SPAG16: variants seen among roughly 807,000 people sequenced by gnomAD.
The protein encoded by SPAG16 is sperm associated antigen 16.
Under a neutral mutation model 80.4 loss-of-function variants are expected in SPAG16, and 86 were observed. That is an observed-to-expected ratio of 1.07 (90% CI 0.90 to 1.28). SPAG16 has a LOEUF of 1.28. Among genes scored for constraint, SPAG16 ranks in the 50% most tolerant of loss-of-function variants. The pLI is 0.00. For missense variants in SPAG16, 870 were observed against 765.3 expected (o/e 1.14, Z -1.61); for synonymous variants, 294 against 265.9 (o/e 1.11, Z -1.03).
At chr2:213,640,285 A>T (rs2062535983) in intron 10 of SPAG16, among the ~76,000 whole-genome samples, 1 of 152,166 alleles carries the variant, frequency 6.6e-6, no homozygotes, top group South Asian at 2.1e-4. Context: ...ATTGCTAGTG[A>T]ACTAGTGTGA....
chr2:214,252,378 G>C (rs955121711), intron 15 of SPAG16, among the ~76,000 whole-genome samples: 1 of 151,880 alleles, frequency 6.6e-6, no homozygotes, highest in Non-Finnish European at 1.5e-5. Context: ...CACGTGCCAT[G>C]GTGGTTTGCT....
intron 12 of SPAG16, among the ~76,000 whole-genome samples, chr2:213,964,249 G>A (rs774600031): frequency 6.6e-6 from 1 of 152,030 alleles, no homozygotes; most frequent in Non-Finnish European, 1.5e-5. Flanking sequence ...TGCTTTCTAT[G>A]TCAGGTAAGA....
chr2:213,682,745 G>A (rs780365013), intron 10 of SPAG16, among the ~76,000 whole-genome samples: 1 of 152,102 alleles, frequency 6.6e-6, no homozygotes, highest in African/African-American at 2.4e-5. Context: ...TTATCTCAGA[G>A]CTGGAATGTT....
chr2:214,180,607 G>T (rs575707040), intron 15 of SPAG16, among the ~76,000 whole-genome samples: 11 of 151,442 alleles, frequency 7.3e-5, no homozygotes, highest in African/African-American at 2.2e-4. Flanking sequence ...TAAAAACAAG[G>T]TAGCATTCAG....
intron 15 of SPAG16, among the ~76,000 whole-genome samples, chr2:214,345,768 T>A (rs918348856): frequency 6.6e-6 from 1 of 152,124 alleles, no homozygotes; most frequent in Middle Eastern, 3.2e-3. Context: ...TATTATATTA[T>A]AATAACAGGC....
In SPAG16 at chr2:213,349,102, A is replaced by G. The variant is rs147297507; in HGVS notation, c.645-1426A>G. On this transcript the variant is annotated intron_variant, in intron 6 of 15. Transcript: ENST00000331683. ...CAAATATTTGGAAATTAAGTAGTAT[A>G]CTTTAAATAATCCATGAGGCAAAGA... Among the ~76,000 whole-genome samples the G allele has an allele frequency of 1.6e-3, 242 of 152,350 alleles. 2 individuals carry two copies. The East Asian group carries it at 0.019, about 12-fold the overall frequency.
intron 9 of SPAG16, among the ~76,000 whole-genome samples, chr2:213,467,648 A>T (rs1465891086): frequency 6.6e-6 from 1 of 152,182 alleles, no homozygotes; most frequent in African/African-American, 2.4e-5. Flanking sequence ...TTTCAGAGTC[A>T]CTTGGGGCTC....
chr2:214,099,127 C>T (rs2052811863), intron 13 of SPAG16, among the ~76,000 whole-genome samples: 1 of 152,016 alleles, frequency 6.6e-6, no homozygotes, highest in South Asian at 2.1e-4. Context: ...GGCTGTAGAA[C>T]TGTTGCTAAT....
In SPAG16 at chr2:213,740,540, C is replaced by G. The variant is rs796732902; in HGVS notation, c.1071-121945C>G. Among the ~76,000 whole-genome samples the G allele has an allele frequency of 7.2e-5, 11 of 152,332 alleles. 1 individual carries two copies. The highest frequency in any genetic ancestry group is 2.6e-4 in the African/African-American group (11 of 41,578). On this transcript the variant is annotated intron_variant, in intron 10 of 15. Coordinates refer to ENST00000331683, the MANE Select transcript of SPAG16 (RefSeq NM_024532.5). ...ATTGCGTTGTAGTTCAGGCCATCAT[C>G]ATTTGCCTCACTCTCATCATGCTTA... is the stretch of plus-strand genomic sequence containing the variant.
rs554858653 is a variant in SPAG16 at position 213,868,695 on chromosome 2, T to C, written c.1214+6067T>C. Among the ~76,000 whole-genome samples the C allele has an allele frequency of 1.7e-4, 26 of 152,316 alleles. 1 individual carries two copies. In the South Asian group the frequency reaches 4.8e-3, roughly 28 times the overall value. On this transcript the variant is annotated intron_variant, in intron 11 of 15. Coordinates refer to ENST00000331683, the MANE Select transcript of SPAG16 (RefSeq NM_024532.5). ...CACATATCTCTATAAGTGAAAGCAGTGGGATTAGTGGTTTAAACAATTTCA... is the reference window on the plus strand; with the variant it reads ...CACATATCTCTATAAGTGAAAGCAGCGGGATTAGTGGTTTAAACAATTTCA...
At chr2:213,820,765 A>T (rs1302774934) in intron 10 of SPAG16, among the ~76,000 whole-genome samples, 1 of 152,020 alleles carries the variant, frequency 6.6e-6, no homozygotes, top group Non-Finnish European at 1.5e-5. Flanking sequence ...ATTAATAGTA[A>T]ATGACATTTG....
chr2:213,789,348 C>A (rs1226019174), intron 10 of SPAG16, among the ~76,000 whole-genome samples: 11 of 151,860 alleles, frequency 7.2e-5, no homozygotes, highest in African/African-American at 2.7e-4. Flanking sequence ...CATTTATGTG[C>A]TTTATCATTG....
intron 9 of SPAG16, among the ~76,000 whole-genome samples, chr2:213,375,621 G>T (rs915874143): frequency 3.3e-5 from 5 of 151,960 alleles, no homozygotes; most frequent in Non-Finnish European, 5.9e-5. Context: ...ATTAAAAATG[G>T]TTGGTCAAAG....
chr2:214,353,180 TG>T (rs549446390), intron 15 of SPAG16, among the ~76,000 whole-genome samples: 198 of 152,104 alleles, frequency 1.3e-3, no homozygotes, highest in Admixed American at 2.2e-3. Context: ...CAAAAATCTG[TG>T]GAAAAAATGC....
At chr2:213,495,245 C>A (rs2074429742) in intron 10 of SPAG16, among the ~76,000 whole-genome samples, 1 of 152,308 alleles carries the variant, frequency 6.6e-6, no homozygotes, top group South Asian at 2.1e-4. Context: ...CAGTGCATAT[C>A]ACTTCCAGAC....
chr2:214,405,477 T>C (rs945974555), intron 15 of SPAG16, among the ~76,000 whole-genome samples: 1 of 152,138 alleles, frequency 6.6e-6, no homozygotes, highest in East Asian at 1.9e-4. Context: ...GCAAGACTTT[T>C]TGAGTAATAA....
At chr2:213,826,071 C>T (rs1025885425) in intron 10 of SPAG16, among the ~76,000 whole-genome samples, 8 of 151,730 alleles carry the variant, frequency 5.3e-5, no homozygotes, top group Non-Finnish European at 1.0e-4. Flanking sequence ...CTGTAATAAT[C>T]CTTTTAATTT....
At chr2:214,350,252 G>A (rs1698309241) in intron 15 of SPAG16, among the ~76,000 whole-genome samples, 2 of 152,152 alleles carry the variant, frequency 1.3e-5, no homozygotes, top group Admixed American at 1.3e-4. Flanking sequence ...AACTCTTCAA[G>A]TACTTTTTGC....
chr2:214,277,498 A>G (rs1181598411), intron 15 of SPAG16, among the ~76,000 whole-genome samples: 1 of 151,974 alleles, frequency 6.6e-6, no homozygotes, highest in Non-Finnish European at 1.5e-5. Flanking sequence ...CTTGATGTTG[A>G]TGCTGTTCCT....
Sources: allele counts gnomAD v4.1 joint callset (sites outside exome capture counted in the v4.1 genomes callset), GRCh38; gene constraint gnomAD v4.1.1; transcripts MANE v1.5; gene names NCBI Gene and HGNC (gene_info 2026-07-23, HGNC 2026-07-21).